The following UVRAG variants were observed in gnomAD, a reference collection of about 807,000 sequenced individuals.
The protein encoded by UVRAG is UV radiation resistance associated.
In UVRAG, 19 loss-of-function variants were observed where a neutral mutation model predicts 78.0. The observed-to-expected ratio is 0.24, with a 90% CI of 0.17 to 0.36. The LOEUF is 0.36. Among genes scored for constraint, UVRAG ranks in the 10% least tolerant of loss-of-function variants. UVRAG has a pLI of 1.00. For missense variants in UVRAG, 740 were observed against 853.8 expected, an observed-to-expected ratio of 0.87 and a Z score of 1.66; for synonymous variants, 323 against 324.6, an observed-to-expected ratio of 1.00 and a Z score of 0.05.
chr11:75,889,526 A>G (rs1461601163), intron 5 of UVRAG, among the ~76,000 whole-genome samples: 1 of 152,196 alleles, frequency 6.6e-6, no homozygotes, highest in Non-Finnish European at 1.5e-5. Flanking sequence ...CTGAGCTGAA[A>G]TTTCAGGTTG....
intron 3 of UVRAG, among the ~76,000 whole-genome samples, chr11:75,867,891 A>T (rs1946569003): frequency 6.6e-6 from 1 of 152,234 alleles, no homozygotes. Context: ...TGTAGTGCTA[A>T]CATTGTGCCT....
At chr11:76,129,575 C>G (rs1239005771) in intron 14 of UVRAG, among the ~76,000 whole-genome samples, 2 of 152,212 alleles carry the variant, frequency 1.3e-5, no homozygotes, top group African/African-American at 4.8e-5. Context: ...TCACGATAAG[C>G]TCTTTGCTTT....
At chr11:75,975,167 G>A (rs562090561) in intron 7 of UVRAG, among the ~76,000 whole-genome samples, 1 of 152,202 alleles carries the variant, frequency 6.6e-6, no homozygotes, top group African/African-American at 2.4e-5. Context: ...TCAAAGATCA[G>A]ATGGTTGTAG....
intron 2 of UVRAG, among the ~76,000 whole-genome samples, chr11:75,855,374 C>A (rs1419455941): frequency 1.3e-5 from 2 of 152,200 alleles, no homozygotes; most frequent in Non-Finnish European, 2.9e-5. Context: ...CATTTACTCC[C>A]TCTTGCGGGC....
At chr11:76,133,352 C>T (rs1444936959) in intron 14 of UVRAG, among the ~76,000 whole-genome samples, 1 of 152,114 alleles carries the variant, frequency 6.6e-6, no homozygotes, top group Admixed American at 6.5e-5. Flanking sequence ...TGGAATATTA[C>T]CTATGGGAGA....
intron 11 of UVRAG, among the ~76,000 whole-genome samples, chr11:76,013,315 A>C (rs964510242): frequency 2.0e-5 from 3 of 152,144 alleles, no homozygotes; most frequent in African/African-American, 4.8e-5. Flanking sequence ...TTATGAGGAA[A>C]CTGGGTTTTA....
At chr11:76,063,480 CTATT>C (rs1310230848) in intron 12 of UVRAG, among the ~76,000 whole-genome samples, 10 of 152,174 alleles carry the variant, frequency 6.6e-5, no homozygotes, top group Non-Finnish European at 1.3e-4. Context: ...CACACGTAAT[CTATT>C]TATTGCTTTC....
chr11:76,143,748 A>G lies in UVRAG; in HGVS notation c.*2335A>G, dbSNP rs544025965. 6.6e-6 allele frequency among the ~76,000 whole-genome samples: 1 copy of G among 152,362 alleles called. No homozygotes were observed. The highest frequency in any genetic ancestry group is 2.1e-4 in the South Asian group (1 of 4,828). On this transcript the variant is annotated 3_prime_UTR_variant, in exon 15 of 15. Transcript: ENST00000356136. ...CGTTTTCCAAAGTTGTAGAGTTAGTATGGCCTCTGTTTAAAGTGGCTGGGG... is the reference window on the plus strand; with the variant it reads ...CGTTTTCCAAAGTTGTAGAGTTAGTGTGGCCTCTGTTTAAAGTGGCTGGGG...
intron 2 of UVRAG, among the ~76,000 whole-genome samples, chr11:75,857,751 G>A (rs181011334): frequency 2.6e-4 from 39 of 150,490 alleles, no homozygotes; most frequent in Admixed American, 7.9e-4. Flanking sequence ...GCTTCCCTAA[G>A]TGCTGGGATT....
intron 6 of UVRAG, among the ~76,000 whole-genome samples, chr11:75,938,516 T>A (rs959831880): frequency 6.6e-6 from 1 of 152,204 alleles, no homozygotes; most frequent in African/African-American, 2.4e-5. Flanking sequence ...ATTTTCTTCC[T>A]TTCAGTTCTT....
intron 3 of UVRAG, among the ~76,000 whole-genome samples, chr11:75,867,986 T>G (rs1946571340): frequency 6.6e-6 from 1 of 152,254 alleles, no homozygotes; most frequent in African/African-American, 2.4e-5. Context: ...GGTCAAAGAT[T>G]GTAGGACTTT....
intron 3 of UVRAG, among the ~76,000 whole-genome samples, chr11:75,865,990 CT>C (rs1247752829): frequency 6.6e-6 from 1 of 152,070 alleles, no homozygotes; most frequent in African/African-American, 2.4e-5. Flanking sequence ...GGTGCAGTGG[CT>C]CATGCCTATA....
intron 12 of UVRAG, among the ~76,000 whole-genome samples, chr11:76,055,577 G>C (rs956090776): frequency 6.6e-6 from 1 of 151,980 alleles, no homozygotes; most frequent in Non-Finnish European, 1.5e-5. Flanking sequence ...ATTTATTTCC[G>C]TGAATCTTAA....
intron 1 of UVRAG, among the ~76,000 whole-genome samples, chr11:75,822,663 G>GTT (rs534019074): frequency 3.4e-4 from 46 of 137,244 alleles, no homozygotes; most frequent in East Asian, 1.4e-3. Flanking sequence ...TGCACTTACT[G>GTT]TTTTTTTTTT....
intron 1 of UVRAG, among the ~76,000 whole-genome samples, chr11:75,840,700 A>T (rs1042259447): frequency 4.6e-5 from 7 of 152,236 alleles, no homozygotes; most frequent in African/African-American, 1.7e-4. Flanking sequence ...GACCAGAACT[A>T]TGAAGTGTTT....
At chr11:75,910,808 A>G (rs1442291816) in intron 5 of UVRAG, among the ~76,000 whole-genome samples, 1 of 152,162 alleles carries the variant, frequency 6.6e-6, no homozygotes. Context: ...TATTCTTTTT[A>G]GAAAGTATCC....
chr11:75,858,472 G>A (rs1946341441), intron 2 of UVRAG, among the ~76,000 whole-genome samples: 2 of 152,010 alleles, frequency 1.3e-5, no homozygotes, highest in Non-Finnish European at 2.9e-5. Context: ...GCATAGTTTT[G>A]CATTGAATAG....
intron 8 of UVRAG, among the ~76,000 whole-genome samples, chr11:75,994,474 C>T (rs565185284): frequency 5.9e-5 from 9 of 152,282 alleles, no homozygotes; most frequent in African/African-American, 2.2e-4. Flanking sequence ...GTGCTTTTCT[C>T]AGTATTCCAT....
At chr11:75,916,742 T>G (rs1947865262) in intron 6 of UVRAG, 1 of 152,190 alleles carries the variant, frequency 6.6e-6, no homozygotes, top group Admixed American at 6.5e-5. Flanking sequence ...AAGGATAGTT[T>G]GGTAGGCAGA....
Sources: gnomAD v4.1 joint callset for allele counts (sites outside exome capture counted in the v4.1 genomes callset) on GRCh38, gnomAD v4.1.1 for gene constraint, MANE v1.5 for transcripts, NCBI Gene and HGNC (gene_info 2026-07-23, HGNC 2026-07-21) for gene names.